Variants in BMPR2 observed in about 807,000 individuals in gnomAD.
BMPR2 encodes bone morphogenetic protein receptor type-2.
BMPR2 carries 29 observed loss-of-function variants against 100.8 expected under a neutral mutation model. The observed-to-expected ratio is 0.29, with a 90% confidence interval of 0.21 to 0.39. The LOEUF is 0.39. Among genes scored for constraint, BMPR2 ranks in the 10% least tolerant of loss-of-function variants. BMPR2 has a pLI of 1.00. For synonymous variants in BMPR2, 382 were observed against 442.3 expected (o/e 0.86, Z 1.71); for missense variants, 1,011 against 1,274.5 (o/e 0.79, Z 3.15).
At chr2:202,547,211 T>C (rs1180690576) in intron 10 of BMPR2, among the ~76,000 whole-genome samples, 3 of 152,220 alleles carry the variant, frequency 2.0e-5, no homozygotes, top group Non-Finnish European at 2.9e-5. Flanking sequence ...TGTACTACCA[T>C]TCTTCATGTT....
chr2:202,443,197 T>C (rs1691781410), intron 1 of BMPR2, among the ~76,000 whole-genome samples: 1 of 150,668 alleles, frequency 6.6e-6, no homozygotes, highest in African/African-American at 2.5e-5. Flanking sequence ...TCAGATAGGT[T>C]TATACGATCT....
At chr2:202,529,072 T>G (rs1268489201) in intron 7 of BMPR2, among the ~76,000 whole-genome samples, 2 of 152,198 alleles carry the variant, frequency 1.3e-5, no homozygotes, top group Admixed American at 6.5e-5. Flanking sequence ...AACGCATGCT[T>G]ATTACCAAAG....
rs1574510007 is a variant in BMPR2 at position 202,560,937 on chromosome 2, T to A, written c.*991T>A. ...TTATAGAGCTACACTTATGGAATTT[T>A]TAAGTAGGTAAATAAATGGTTAAGA... On this transcript the variant is annotated 3_prime_UTR_variant, in exon 13 of 13. Coordinates refer to ENST00000374580, the MANE Select transcript of BMPR2 (RefSeq NM_001204.7). 6.6e-6 allele frequency: 1 copy of A among 152,196 alleles called. No homozygotes were observed. The highest frequency in any genetic ancestry group is 1.5e-5 in the Non-Finnish European group (1 of 68,018). The allele number at this position is 152,196 out of a possible 1,614,324, so 9.4% of individuals were successfully genotyped here.
intron 1 of BMPR2, among the ~76,000 whole-genome samples, chr2:202,456,164 G>T (rs74720868): frequency 0.11 from 14,925 of 131,400 alleles, 2,483 homozygotes; most frequent in African/African-American, 0.39. Context: ...ATGTTTTTTT[G>T]TTTGTTTGTT....
chr2:202,543,431 A>G (rs1317130710), intron 10 of BMPR2, among the ~76,000 whole-genome samples: 2 of 151,280 alleles, frequency 1.3e-5, no homozygotes, highest in East Asian at 3.9e-4. Context: ...TCTGAAGTTT[A>G]TTTTTTTACT....
At chr2:202,434,686 C>A (rs1044390214) in intron 1 of BMPR2, among the ~76,000 whole-genome samples, 1 of 148,220 alleles carries the variant, frequency 6.7e-6, no homozygotes, top group Non-Finnish European at 1.5e-5. Flanking sequence ...GTGGCTGGCA[C>A]AATCTTGGCT....
chr2:202,466,679 A>T (rs910011968), intron 2 of BMPR2, among the ~76,000 whole-genome samples: 1 of 151,634 alleles, frequency 6.6e-6, no homozygotes, highest in Non-Finnish European at 1.5e-5. Flanking sequence ...TGGCACATTC[A>T]TGGCTCACTG....
chr2:202,547,737 C>T (rs1188105483), intron 10 of BMPR2, among the ~76,000 whole-genome samples: 2 of 129,472 alleles, frequency 1.5e-5, no homozygotes, highest in African/African-American at 6.1e-5. Context: ...GAACAGAGAT[C>T]ATGCCACTGC....
At chr2:202,461,044 T>G (rs1249566783) in intron 1 of BMPR2, among the ~76,000 whole-genome samples, 1 of 152,062 alleles carries the variant, frequency 6.6e-6, no homozygotes, top group Non-Finnish European at 1.5e-5. Flanking sequence ...GTTACCTTAC[T>G]GTGTTGCCCG....
At chr2:202,500,923 A>G (rs961498957) in intron 3 of BMPR2, among the ~76,000 whole-genome samples, 4 of 152,216 alleles carry the variant, frequency 2.6e-5, no homozygotes, top group Admixed American at 2.6e-4. Context: ...CCCAACTTAC[A>G]TGGATGGTCT....
chr2:202,531,383 C>A (rs528923581), intron 8 of BMPR2, among the ~76,000 whole-genome samples: 1 of 152,058 alleles, frequency 6.6e-6, no homozygotes, highest in East Asian at 1.9e-4. Context: ...CTCATAAAGG[C>A]CTTTGTAAAG....
At chr2:202,415,650 A>G (rs1417276573) in intron 1 of BMPR2, among the ~76,000 whole-genome samples, 2 of 152,190 alleles carry the variant, frequency 1.3e-5, no homozygotes, top group Non-Finnish European at 2.9e-5. Context: ...TATACTAAAT[A>G]TGCTCTGCCT....
At chr2:202,409,341 G>T (rs541269254) in intron 1 of BMPR2, among the ~76,000 whole-genome samples, 2 of 152,178 alleles carry the variant, frequency 1.3e-5, no homozygotes, top group East Asian at 3.9e-4. Context: ...GCAAGACTCT[G>T]TCTCAAAATA....
chr2:202,482,521 A>G (rs1402063828), intron 3 of BMPR2, among the ~76,000 whole-genome samples: 2 of 150,314 alleles, frequency 1.3e-5, no homozygotes, highest in Non-Finnish European at 3.0e-5. Context: ...TTACAGGCAC[A>G]TGACCCCATG....
At chr2:202,517,801 C>G (rs1687741356) in intron 5 of BMPR2, among the ~76,000 whole-genome samples, 1 of 151,408 alleles carries the variant, frequency 6.6e-6, no homozygotes, top group African/African-American at 2.4e-5. Context: ...GAACAATTTT[C>G]TGTTCTTCTT....
At chr2:202,478,600 G>A (rs1033599652) in intron 3 of BMPR2, among the ~76,000 whole-genome samples, 4 of 152,094 alleles carry the variant, frequency 2.6e-5, no homozygotes, top group Admixed American at 2.0e-4. Flanking sequence ...TCCAGGTGGG[G>A]CAACAAAGCA....
At chr2:202,458,387 T>C (rs899141949) in intron 1 of BMPR2, among the ~76,000 whole-genome samples, 5 of 151,540 alleles carry the variant, frequency 3.3e-5, no homozygotes, top group African/African-American at 1.2e-4. Context: ...GGAGGATCCC[T>C]TGAGCCTGAA....
chr2:202,532,861 G>C lies in BMPR2; in HGVS notation c.1276+129G>C. 8.0e-6 allele frequency: 9 copies of C among 1,127,414 alleles called. No individual in the cohort carries two copies. The South Asian group carries it at 9.0e-5, about 11-fold the overall frequency. 69.8% of individuals were successfully genotyped at this position (1,127,414 alleles called of 1,614,324 possible). The stretch of plus-strand genomic sequence containing the variant: ...CTTTCATTTAAACCTTTAGTTCATT[G>C]CTATCTAGTGTTTAGAAACATTATT... On this transcript the variant is annotated intron_variant, in intron 9 of 12. Transcript: ENST00000374580. This position sits in a 1 kb window ranked among gnomAD's most constrained non-coding sequence, Gnocchi z 4.1.
chr2:202,406,960 A>G (rs1323661462), intron 1 of BMPR2, among the ~76,000 whole-genome samples: 2 of 150,548 alleles, frequency 1.3e-5, no homozygotes, highest in Non-Finnish European at 3.0e-5. Flanking sequence ...TTTTTTTGAG[A>G]CAGAGTTTCA....
Sources: allele counts gnomAD v4.1 joint callset (sites outside exome capture counted in the v4.1 genomes callset), GRCh38; gene constraint gnomAD v4.1.1; non-coding constraint Gnocchi (gnomAD v3.1); transcripts MANE v1.5; gene names NCBI Gene and HGNC (gene_info 2026-07-23, HGNC 2026-07-21).